The following CALD1 variants were observed in gnomAD, a reference collection of about 807,000 sequenced individuals.
CALD1 encodes the protein caldesmon 1, also known as caldesmon.
A neutral mutation model predicts 99.9 loss-of-function variants in CALD1; 33 were observed. The ratio of observed to expected loss-of-function variants is 0.33; its 90% confidence interval spans 0.25 to 0.44. The LOEUF is 0.44. Among genes scored for constraint, CALD1 ranks in the 20% least tolerant of loss-of-function variants. CALD1 has a pLI of 1.00. For missense variants in CALD1, 861 were observed against 962.1 expected (o/e 0.89, Z 1.39); for synonymous variants, 310 against 325.0 (o/e 0.95, Z 0.50).
intron 9 of CALD1, among the ~76,000 whole-genome samples, chr7:134,957,793 T>G (rs1224914350): frequency 6.6e-6 from 1 of 152,178 alleles, no homozygotes; most frequent in Non-Finnish European, 1.5e-5. Context: ...TTATTCCATT[T>G]CTGTCTGGTC....
At position 134,947,222 on chromosome 7, in the gene CALD1, A is replaced by T. The variant is rs140944410; in HGVS notation, c.1533-286A>T. ...TGGTAGTTCTCTTGTTGATTTTTTG[A>T]GGAACCTCCATACTGTTTCCATAGC... On this transcript the variant is annotated intron_variant, in intron 7 of 14. Coordinates refer to ENST00000361675, the MANE Select transcript of CALD1 (RefSeq NM_033138.4). Among the ~76,000 whole-genome samples the T allele has an allele frequency of 1.5e-3, 221 of 152,244 alleles. 3 individuals carry two copies. The highest frequency in any genetic ancestry group is 5.1e-3 in the African/African-American group (212 of 41,524).
At chr7:134,899,284 A>G (rs1586243337) in intron 3 of CALD1, among the ~76,000 whole-genome samples, 1 of 151,040 alleles carries the variant, frequency 6.6e-6, no homozygotes, top group Non-Finnish European at 1.5e-5. Context: ...GCTCACTACA[A>G]CCTCTGCCTC....
chr7:134,951,230 A>G (rs188626639), intron 9 of CALD1, among the ~76,000 whole-genome samples: 7 of 152,264 alleles, frequency 4.6e-5, no homozygotes, highest in African/African-American at 1.4e-4. Flanking sequence ...TCAACATATA[A>G]ATGTTGGACC....
At chr7:134,921,867 T>C (rs1804644770) in intron 3 of CALD1, among the ~76,000 whole-genome samples, 1 of 152,138 alleles carries the variant, frequency 6.6e-6, no homozygotes, top group Admixed American at 6.5e-5. Context: ...ACACATACTA[T>C]TTCACTTCTC....
intron 1 of CALD1, among the ~76,000 whole-genome samples, chr7:134,789,031 TA>T (rs35315682): frequency 3.7e-4 from 43 of 116,782 alleles, no homozygotes; most frequent in Non-Finnish European, 4.6e-4. Flanking sequence ...AAACAAAAAG[TA>T]AAAAAAAAAA....
the CALD1 span, among the ~76,000 whole-genome samples, chr7:134,717,058 A>G: frequency 6.6e-6 from 1 of 152,108 alleles, no homozygotes; most frequent in African/African-American, 2.4e-5. Context: ...AATTTTTAGG[A>G]CGGTATATTT....
chr7:134,878,000 A>G (rs1345991604), intron 3 of CALD1, among the ~76,000 whole-genome samples: 2 of 152,208 alleles, frequency 1.3e-5, no homozygotes, highest in South Asian at 2.1e-4. Context: ...TGCGTATCCT[A>G]TAAACTCACC....
intron 3 of CALD1, among the ~76,000 whole-genome samples, chr7:134,884,133 A>G (rs1801740464): frequency 6.6e-6 from 1 of 151,682 alleles, no homozygotes; most frequent in African/African-American, 2.4e-5. Flanking sequence ...AATGGCCAGT[A>G]GAAGAAGCCT....
At chr7:134,798,358 A>T (rs1300524117) in intron 1 of CALD1, among the ~76,000 whole-genome samples, 1 of 152,206 alleles carries the variant, frequency 6.6e-6, no homozygotes, top group African/African-American at 2.4e-5. Flanking sequence ...CTGGTGCCAG[A>T]TGTTGGAACC....
intron 1 of CALD1, among the ~76,000 whole-genome samples, chr7:134,799,643 T>C (rs1331327212): frequency 6.6e-6 from 1 of 152,188 alleles, no homozygotes; most frequent in African/African-American, 2.4e-5. Context: ...CAATATAAAT[T>C]ACCACTAGAC....
chr7:134,761,397 A>G (rs1229753664), intron 1 of CALD1, among the ~76,000 whole-genome samples: 1 of 152,142 alleles, frequency 6.6e-6, no homozygotes, highest in Non-Finnish European at 1.5e-5. Context: ...TCCATAATCT[A>G]CTGAGATTCA....
chr7:134,924,282 CT>C lies in CALD1; in HGVS notation c.72-4469del, dbSNP rs568668554. ...TCTCGGGAGTGGCTTTTACTTTCTC[CT>C]TTATATATTTTGAATTGTTTGGTTT... On this transcript the variant is annotated intron_variant, in intron 3 of 14. Coordinates refer to ENST00000361675, the MANE Select transcript of CALD1 (RefSeq NM_033138.4). Among the ~76,000 whole-genome samples, 51 of 152,002 alleles carry C rather than the reference CT, an allele frequency of 3.4e-4. No homozygotes were observed. In the East Asian group the frequency reaches 9.7e-3, roughly 29 times the overall value.
chr7:134,830,957 G>C (rs1394812823), intron 1 of CALD1, among the ~76,000 whole-genome samples: 1 of 152,122 alleles, frequency 6.6e-6, no homozygotes, highest in African/African-American at 2.4e-5. Context: ...GCCGCTGATA[G>C]AGTACTAAGC....
At chr7:134,895,298 ATGTGTGTGTGTGTGTG>A (rs71172482) in intron 3 of CALD1, among the ~76,000 whole-genome samples, 55 of 138,720 alleles carry the variant, frequency 4.0e-4, no homozygotes, top group South Asian at 9.6e-4. Flanking sequence ...TTATATATGT[ATGTGTGTGTGTGTGTG>A]TGTGTGTGTG....
intron 3 of CALD1, among the ~76,000 whole-genome samples, chr7:134,905,299 T>C (rs911804749): frequency 3.3e-5 from 5 of 152,108 alleles, no homozygotes; most frequent in Non-Finnish European, 7.3e-5. Flanking sequence ...ACTAACTATA[T>C]GCCAAGCACT....
chr7:134,827,114 A>G (rs955521042), intron 1 of CALD1, among the ~76,000 whole-genome samples: 4 of 152,164 alleles, frequency 2.6e-5, no homozygotes, highest in Non-Finnish European at 5.9e-5. Context: ...TACAACCACA[A>G]AGCAAGGTCA....
intron 1 of CALD1, among the ~76,000 whole-genome samples, chr7:134,805,248 T>C (rs776550159): frequency 6.6e-6 from 1 of 152,224 alleles, no homozygotes; most frequent in Non-Finnish European, 1.5e-5. Flanking sequence ...GTCTCCTCTG[T>C]CACTGAATTA....
chr7:134,746,631 A>G (rs1240562822), intron 1 of CALD1, among the ~76,000 whole-genome samples: 5 of 152,234 alleles, frequency 3.3e-5, no homozygotes, highest in Non-Finnish European at 4.4e-5. Context: ...AGGGCCCAGA[A>G]AGAAAAAAGG....
chr7:134,768,770 A>G (rs1030721584), intron 1 of CALD1, among the ~76,000 whole-genome samples: 27 of 152,182 alleles, frequency 1.8e-4, no homozygotes, highest in Admixed American at 6.5e-5. Context: ...ATTTTTTTTC[A>G]TAATTGCTTA....
Sources: gnomAD v4.1 joint callset for allele counts (sites outside exome capture counted in the v4.1 genomes callset) on GRCh38, gnomAD v4.1.1 for gene constraint, MANE v1.5 for transcripts, NCBI Gene and HGNC (gene_info 2026-07-23, HGNC 2026-07-21) for gene names.